TET2: variants seen among roughly 807,000 people sequenced by gnomAD.
The protein encoded by TET2 is tet methylcytosine dioxygenase 2.
A neutral mutation model predicts 142.9 loss-of-function variants in TET2; 299 were observed. The ratio of observed to expected loss-of-function variants is 2.09; its 90% confidence interval spans 1.90 to 2.30. The LOEUF is 2.30. TET2 is among the 30% of genes most tolerant of loss of function. The probability of loss-of-function intolerance (pLI) is 0.00; values close to 1 mark genes in which losing one functional copy is unlikely to be tolerated. For synonymous variants in TET2, 819 were observed against 849.0 expected (o/e 0.96, Z 0.61); for missense variants, 2,418 against 2,378.0 (o/e 1.02, Z -0.35).
At position 105,276,931 on chromosome 4, in the gene TET2, T is replaced by C. The variant is rs535779372; in HGVS notation, c.*412T>C. The stretch of plus-strand genomic sequence containing the variant: ...TGGAACACAAATCAAACAAGTACTG[T>C]AGTATTACAGTGACAGGAATCTTAA... On this transcript the variant is annotated 3_prime_UTR_variant, in exon 11 of 11. Coordinates refer to ENST00000380013, the MANE Select transcript of TET2 (RefSeq NM_001127208.3). 4.5e-6 allele frequency: 1 copy of C among 223,036 alleles called. No individual in the cohort carries two copies. Among genetic ancestry groups the C allele is most frequent in the African/African-American group, 2.3e-5 (1 of 43,002 alleles). 13.8% of individuals were successfully genotyped at this position (223,036 alleles called of 1,614,324 possible). A position where few individuals can be genotyped will look rare whatever the true frequency, so the allele number is the denominator to read the frequency against.
At chr4:105,174,435 A>G (rs1724661800) in intron 1 of TET2, among the ~76,000 whole-genome samples, 1 of 152,228 alleles carries the variant, frequency 6.6e-6, no homozygotes, top group African/African-American at 2.4e-5. Context: ...AAAAAGCTGA[A>G]TGAATTGGAA....
intron 2 of TET2, among the ~76,000 whole-genome samples, chr4:105,208,503 T>C (rs1360997322): frequency 6.6e-6 from 1 of 152,192 alleles, no homozygotes; most frequent in African/African-American, 2.4e-5. Context: ...TTTTCTTGCC[T>C]TTAAGTATAA....
intron 6 of TET2, 29 bp from the exon 7 acceptor site, chr4:105,259,590 G>C (rs774380396): frequency 6.3e-5 from 98 of 1,548,460 alleles, no homozygotes; most frequent in Non-Finnish European, 7.7e-5. Flanking sequence ...GCTATCCATA[G>C]CAATGAATTT....
intron 5 of TET2, among the ~76,000 whole-genome samples, chr4:105,243,207 T>A (rs926082668): frequency 3.3e-5 from 5 of 152,248 alleles, no homozygotes; most frequent in Non-Finnish European, 7.3e-5. Flanking sequence ...CTTAAACTTT[T>A]AAATACCTTC....
At position 105,259,724 on chromosome 4, in the gene TET2, C is replaced by G. The variant is rs1730329103; in HGVS notation, c.3909C>G (p.Ser1303Arg). Residue 1303 changes from serine to arginine, a missense_variant, in exon 7 of 11, where the codon AGC becomes AGG. Ser to Arg is a moderately radical substitution (Grantham distance 110). Transcript: ENST00000380013. ...MYYNGCKFAR[S>R]KIPRKFKLLG... is the part of the protein sequence containing the mutation. ...ACAATGGATGTAAGTTTGCCAGAAG[C>G]AAGATCCCAAGGAAGTTTAAGCTGC... 1 of 1,550,876 alleles carries G rather than the reference C, an allele frequency of 6.4e-7. No individual in the cohort carries two copies. The highest frequency in any genetic ancestry group is 8.7e-7 in the Non-Finnish European group (1 of 1,146,542).
rs1381014723 is a variant in TET2, at chr4:105,272,695, A to G, written c.4314A>G (p.Lys1438=). Residue 1438 remains lysine, a synonymous_variant, in exon 10 of 11, where the codon AAA becomes AAG. Coordinates refer to ENST00000380013, the MANE Select transcript of TET2 (RefSeq NM_001127208.3). ...EFGSVEAQEE[K]KRSGAIQVLS... ...GGAGTGTGGAAGCTCAGGAGGAGAA[A>G]AAACGGAGTGGTGCCATTCAGGTAC... 22 of 1,551,722 alleles carry G rather than the reference A, an allele frequency of 1.4e-5. No individual in the cohort carries two copies. The highest frequency in any genetic ancestry group is 1.8e-5 in the Non-Finnish European group (21 of 1,146,994).
chr4:105,216,331 C>A (rs914475678), intron 2 of TET2, among the ~76,000 whole-genome samples: 4 of 152,014 alleles, frequency 2.6e-5, no homozygotes, highest in Non-Finnish European at 4.4e-5. Context: ...AATCAAAGTT[C>A]TTTCATGGAA....
intron 1 of TET2, among the ~76,000 whole-genome samples, chr4:105,164,566 C>G (rs1247891272): frequency 6.6e-6 from 1 of 152,184 alleles, no homozygotes; most frequent in Non-Finnish European, 1.5e-5. Flanking sequence ...CATCTTTACC[C>G]TTCTGGAATA....
At chr4:105,171,879 A>G (rs1429549033) in intron 1 of TET2, 1 of 152,234 alleles carries the variant, frequency 6.6e-6, no homozygotes, top group Admixed American at 6.5e-5. Flanking sequence ...CTAATCTTCC[A>G]AGATTTATCA....
chr4:105,151,432 G>C (rs568555259), intron 1 of TET2, among the ~76,000 whole-genome samples: 2 of 151,562 alleles, frequency 1.3e-5, no homozygotes, highest in African/African-American at 2.4e-5. Context: ...ACTTCAAAAA[G>C]AAGAAACAGA....
chr4:105,271,621 G>A (rs1156311958), intron 9 of TET2, among the ~76,000 whole-genome samples: 1 of 152,160 alleles, frequency 6.6e-6, no homozygotes, highest in Non-Finnish European at 1.5e-5. Context: ...TCATGTTGAA[G>A]TTATTTCTAA....
Position 105,201,717 on chromosome 4 carries a change from A to G in TET2, c.-47+11212A>G, listed in dbSNP as rs564241956. 4.3e-3 allele frequency among the ~76,000 whole-genome samples: 606 copies of G among 141,574 alleles called. 3 individuals are homozygous for G. The highest frequency in any genetic ancestry group is 7.3e-3 in the Non-Finnish European group (483 of 66,038). 92.9% of individuals were successfully genotyped at this position (141,574 alleles called of 152,430 possible). A position where few individuals can be genotyped will look rare whatever the true frequency, so the allele number is the denominator to read the frequency against. ...GTTAAAATGGTATCATTAACAGAAC[A>G]TCTTCATCCAGGACCTTTTTTTTTT... On this transcript the variant is annotated intron_variant, in intron 2 of 10. Coordinates refer to ENST00000380013, the MANE Select transcript of TET2 (RefSeq NM_001127208.3).
At chr4:105,167,919 G>C (rs1344713930) in intron 1 of TET2, among the ~76,000 whole-genome samples, 1 of 152,148 alleles carries the variant, frequency 6.6e-6, no homozygotes, top group Non-Finnish European at 1.5e-5. Context: ...AGGAATGAAG[G>C]AAACACTAGA....
chr4:105,167,671 G>A (rs971224157), intron 1 of TET2, among the ~76,000 whole-genome samples: 14 of 152,144 alleles, frequency 9.2e-5, no homozygotes, highest in African/African-American at 3.1e-4. Flanking sequence ...GGCATAGTCA[G>A]TGACTGTGCT....
At chr4:105,229,058 T>TA (rs34257230) in intron 2 of TET2, among the ~76,000 whole-genome samples, 1 of 152,228 alleles carries the variant, frequency 6.6e-6, no homozygotes, top group Non-Finnish European at 1.5e-5. Context: ...CCAATACATT[T>TA]AAAATAGTTC....
intron 8 of TET2, among the ~76,000 whole-genome samples, chr4:105,267,073 G>A (rs1578728095): frequency 6.6e-6 from 1 of 151,434 alleles, no homozygotes; most frequent in African/African-American, 2.4e-5. Context: ...GAGAGAAGAT[G>A]TAAGAGAAAC....
chr4:105,209,072 T>TAC (rs1456136383), intron 2 of TET2, among the ~76,000 whole-genome samples: 1 of 98,166 alleles, frequency 1.0e-5, no homozygotes, highest in Non-Finnish European at 1.9e-5. Flanking sequence ...TATATATATA[T>TAC]ATATATATAT....
intron 2 of TET2, among the ~76,000 whole-genome samples, chr4:105,200,653 G>T (rs1336400298): frequency 6.6e-6 from 1 of 151,076 alleles, no homozygotes; most frequent in African/African-American, 2.4e-5. Flanking sequence ...TTTTGTTTTT[G>T]TTTTTGTTTT....
intron 2 of TET2, among the ~76,000 whole-genome samples, chr4:105,222,176 C>T (rs539648330): frequency 1.9e-4 from 29 of 152,078 alleles, no homozygotes; most frequent in East Asian, 9.6e-4. Flanking sequence ...AATAAACATA[C>T]GTGTGCATGT....
Sources: allele counts gnomAD v4.1 joint callset (sites outside exome capture counted in the v4.1 genomes callset), GRCh38; gene constraint gnomAD v4.1.1; transcripts MANE v1.5; gene names NCBI Gene and HGNC (gene_info 2026-07-23, HGNC 2026-07-21).